SLC2A9: variants seen among roughly 807,000 people sequenced by gnomAD.
SLC2A9 encodes the protein solute carrier family 2 member 9, also known as solute carrier family 2, facilitated glucose transporter member 9.
SLC2A9 carries 39 observed loss-of-function variants against 50.6 expected under a neutral mutation model. The ratio of observed to expected loss-of-function variants is 0.77; its 90% CI spans 0.60 to 1.01. The LOEUF is 1.01. Ranked by LOEUF, SLC2A9 falls within the 50% of genes least tolerant of loss-of-function variation. SLC2A9 has a pLI of 0.00. For synonymous variants in SLC2A9, 324 were observed against 276.9 expected (o/e 1.17, Z -1.69); for missense variants, 686 against 677.6 (o/e 1.01, Z -0.14).
At chr4:9,870,504 C>T (rs577199077) in intron 10 of SLC2A9, among the ~76,000 whole-genome samples, 6 of 152,312 alleles carry the variant, frequency 3.9e-5, no homozygotes, top group African/African-American at 1.2e-4. Flanking sequence ...CTTTGAAGGG[C>T]TCAAAATCTT....
intron 9 of SLC2A9, among the ~76,000 whole-genome samples, chr4:9,889,238 G>A (rs1400088537): frequency 6.6e-6 from 1 of 152,058 alleles, no homozygotes; most frequent in Admixed American, 6.5e-5. Context: ...AGCTAGCCAA[G>A]CACAGAAGAG....
chr4:9,785,037 A>C (rs1336276646), intron 3 of SLC2A9, among the ~76,000 whole-genome samples: 10 of 152,208 alleles, frequency 6.6e-5, no homozygotes, highest in Admixed American at 6.5e-4. Context: ...TAATTTAGTC[A>C]AAATGATACT....
chr4:9,950,076 T>C (rs1205811155), intron 5 of SLC2A9, among the ~76,000 whole-genome samples: 2 of 152,168 alleles, frequency 1.3e-5, no homozygotes, highest in African/African-American at 4.8e-5. Flanking sequence ...ACCTTACCTG[T>C]TGGGCATGAG....
At chr4:9,900,511 A>G (rs1374573810) in intron 8 of SLC2A9, among the ~76,000 whole-genome samples, 2 of 152,126 alleles carry the variant, frequency 1.3e-5, no homozygotes, top group African/African-American at 2.4e-5. Flanking sequence ...ATGTGCTTCC[A>G]GGGCAAAACC....
intron 7 of SLC2A9, among the ~76,000 whole-genome samples, chr4:9,911,092 T>C (rs1741689529): frequency 6.6e-6 from 1 of 152,046 alleles, no homozygotes; most frequent in Admixed American, 6.5e-5. Flanking sequence ...GGCACGTGTA[T>C]ACCTATGTAA....
chr4:9,800,475 C>T (rs1721246463), intron 3 of SLC2A9, among the ~76,000 whole-genome samples: 1 of 152,136 alleles, frequency 6.6e-6, no homozygotes. Flanking sequence ...AGAAAGTGGC[C>T]ATTTATAAGC....
chr4:9,888,310 C>T (rs1392042562), intron 9 of SLC2A9, among the ~76,000 whole-genome samples: 1 of 150,978 alleles, frequency 6.6e-6, no homozygotes, highest in Admixed American at 6.6e-5. Context: ...AATGTTTCCT[C>T]ATATACATTT....
Position 9,887,610 on chromosome 4 carries a change from G to A in SLC2A9, c.1248C>T (p.Ile416=), listed in dbSNP as rs575317463. ...AGGCGATGATGGCCAGAATGCCCAC[G>A]ATACTCAGGTAGGGGACCCAGGGGG... ...DHAPWVPYLS[I]VGILAIIASF... is the part of the protein sequence containing the mutation. Residue 416 remains isoleucine (I), a synonymous_variant, in exon 10 of 12, where the codon ATC becomes ATT. Coordinates refer to ENST00000264784, the MANE Select transcript of SLC2A9 (RefSeq NM_020041.3). 40 of 1,567,288 alleles carry A rather than the reference G, an allele frequency of 2.6e-5. No homozygotes were observed. The highest frequency in any genetic ancestry group is 1.8e-4 in the African/African-American group (13 of 73,962).
At chr4:9,889,217 G>A (rs111572839) in intron 9 of SLC2A9, among the ~76,000 whole-genome samples, 3 of 152,066 alleles carry the variant, frequency 2.0e-5, no homozygotes, top group African/African-American at 4.8e-5. Flanking sequence ...CCTGAGTCCA[G>A]AGCAAGGAGA....
chr4:9,836,259 C>T (rs1378012749), intron 10 of SLC2A9, among the ~76,000 whole-genome samples: 2 of 151,592 alleles, frequency 1.3e-5, no homozygotes, highest in African/African-American at 4.9e-5. Context: ...AAAACTTATT[C>T]ATGTAACCAA....
downstream of SLC2A9, among the ~76,000 whole-genome samples, chr4:9,822,870 C>T (rs535207979): frequency 6.6e-6 from 1 of 152,194 alleles, no homozygotes; most frequent in African/African-American, 2.4e-5. Context: ...GGGAAGGGAT[C>T]GAGGCAGGAG....
intron 5 of SLC2A9, among the ~76,000 whole-genome samples, chr4:9,977,553 C>T (rs1236320805): frequency 1.4e-5 from 2 of 146,274 alleles, no homozygotes; most frequent in African/African-American, 5.1e-5. Context: ...CCCCCTCCCC[C>T]TCCCCCTCCC....
intron 10 of SLC2A9, chr4:9,880,537 G>A (rs1735023354): frequency 2.5e-5 from 25 of 985,228 alleles, no homozygotes; most frequent in Non-Finnish European, 3.0e-5. Flanking sequence ...AGTCTTGGGA[G>A]GGCTTAGGAA....
chr4:9,964,766 C>G (rs1380174593), intron 5 of SLC2A9, among the ~76,000 whole-genome samples: 1 of 152,144 alleles, frequency 6.6e-6, no homozygotes, highest in Non-Finnish European at 1.5e-5. Context: ...AAATATGAGG[C>G]TGCAAAGGAC....
rs74680621 is a variant in SLC2A9, at chr4:9,971,759, C to T, written c.681+8833G>A. On this transcript the variant is annotated intron_variant, in intron 5 of 11. Coordinates refer to ENST00000264784, the MANE Select transcript of SLC2A9 (RefSeq NM_020041.3). ...TTAAAAAGCAAAAATAAAAGCAAAC[C>T]CCTGAAAAATAAAGCTAAGGAAGGT... Among the ~76,000 whole-genome samples the T allele has an allele frequency of 9.5e-3, 1,437 of 152,026 alleles. 27 individuals carry two copies. Among genetic ancestry groups the T allele is most frequent in the African/African-American group, 0.033 (1,385 of 41,462 alleles).
At chr4:9,956,243 G>T (rs917511570) in intron 5 of SLC2A9, among the ~76,000 whole-genome samples, 4 of 151,886 alleles carry the variant, frequency 2.6e-5, no homozygotes, top group African/African-American at 9.7e-5. Flanking sequence ...CAGCACTTTG[G>T]GAGGCCAAGG....
intron 5 of SLC2A9, among the ~76,000 whole-genome samples, chr4:9,946,507 C>T (rs1381238304): frequency 6.6e-6 from 1 of 152,200 alleles, no homozygotes; most frequent in African/African-American, 2.4e-5. Flanking sequence ...CCACTTATGC[C>T]TCTGACAGCA....
At chr4:9,780,464 T>G (rs1718186784) in intron 3 of SLC2A9, among the ~76,000 whole-genome samples, 1 of 152,058 alleles carries the variant, frequency 6.6e-6, no homozygotes, top group Non-Finnish European at 1.5e-5. Flanking sequence ...GAAGGGACTG[T>G]GTAGGCTGAG....
chr4:10,029,915 T>C (rs991112603), intron 1 of SLC2A9, among the ~76,000 whole-genome samples: 1 of 152,130 alleles, frequency 6.6e-6, no homozygotes, highest in Admixed American at 6.6e-5. Flanking sequence ...GGATTACAGG[T>C]GTGAGCCACC....
Sources: allele counts gnomAD v4.1 joint callset (sites outside exome capture counted in the v4.1 genomes callset), GRCh38; gene constraint gnomAD v4.1.1; transcripts MANE v1.5; gene names NCBI Gene and HGNC (gene_info 2026-07-23, HGNC 2026-07-21).